Variants in DNAAF5 observed in about 807,000 individuals in gnomAD.
The protein encoded by DNAAF5 is dynein axonemal assembly factor 5, also known as HEAT repeat containing 2.
DNAAF5 carries 64 observed loss-of-function variants against 75.8 expected under a neutral mutation model. The ratio of observed to expected loss-of-function variants is 0.84; its 90% CI spans 0.69 to 1.04. The LOEUF (loss-of-function observed/expected upper bound fraction) is 1.04. Ranked by LOEUF, DNAAF5 falls within the 50% of genes least tolerant of loss-of-function variation. DNAAF5 has a pLI of 0.00. For synonymous variants in DNAAF5, 657 were observed against 557.2 expected (o/e 1.18, Z -2.52); for missense variants, 1,269 against 1,178.5 (o/e 1.08, Z -1.12).
chr7:762,509 A>C (rs372368012), intron 7 of DNAAF5, among the ~76,000 whole-genome samples: 4 of 151,236 alleles, frequency 2.6e-5, no homozygotes. Context: ...AAAAAAGTGC[A>C]TGTGCATGTG....
intron 7 of DNAAF5, 101 bp downstream of exon 7, chr7:761,997 T>TTGAGCCCCAGGCCTCAAACATGCC (rs71020510): frequency 7.5e-7 from 1 of 1,326,996 alleles, no homozygotes; most frequent in Non-Finnish European, 1.0e-6. Context: ...CCCTCTGTGC[T>TTGAGCCCCAGGCCTCAAACATGCC]TGACCAGCAA....
rs779062265 is a variant in DNAAF5, at chr7:754,848, C to G, written c.1257+27C>G. ...TAAGTGGCCGTATTCCAGTCGTGGT[C>G]GCGGAGCTGTAACTCGAGCTTAAGA... On this transcript the variant is annotated intron_variant, in intron 5 of 12. Coordinates refer to ENST00000297440, the MANE Select transcript of DNAAF5 (RefSeq NM_017802.4). The surrounding 1 kb of genome is among the most constrained non-coding windows in gnomAD (Gnocchi z 4.8). The G allele has an allele frequency of 3.3e-6, 5 of 1,515,622 alleles. No individual in the cohort carries two copies. The South Asian group carries it at 4.8e-5, about 14-fold the overall frequency. 93.9% of individuals were successfully genotyped at this position (1,515,622 alleles called of 1,614,324 possible). A position where few individuals can be genotyped will look rare whatever the true frequency, so the allele number is the denominator to read the frequency against.
At position 770,708 on chromosome 7, in the gene DNAAF5, GGGTTCC is replaced by G. The variant is rs1194266267; in HGVS notation, c.1931+91_1931+96del. ...CTCCCCAACAGCTCACTGAGCAAGG[GGGTTCC>G]CACCTCCTTCCCCAACACTGCACTG... is the stretch of plus-strand genomic sequence containing the variant. On this transcript the variant is annotated intron_variant, in intron 9 of 12. Coordinates refer to ENST00000297440, the MANE Select transcript of DNAAF5 (RefSeq NM_017802.4). The G allele has an allele frequency of 2.0e-5, 25 of 1,281,174 alleles. No homozygotes were observed. The African/African-American group carries it at 3.5e-4, about 18-fold the overall frequency. The allele number at this position is 1,281,174 out of a possible 1,614,324, so 79.4% of individuals were successfully genotyped here.
chr7:761,856 C>T lies in DNAAF5; in HGVS notation c.1574C>T (p.Thr525Ile), dbSNP rs1256987990. 2.5e-6 allele frequency: 4 copies of T among 1,592,452 alleles called. No homozygotes were observed. Among genetic ancestry groups the T allele is most frequent in the South Asian group, 2.3e-5 (2 of 87,488 alleles). The stretch of plus-strand genomic sequence containing the variant: ...CTGCAGCTCTTGGACGTGCTGCTGA[C>T]AATAGTGGCCCTCGCAGGTGCTACC... ...ASLQLLDVLL[T>I]IVALAGATGL... Residue 525 changes from threonine to isoleucine, a missense_variant, in exon 7 of 13, where the codon ACA (threonine) becomes ATA (isoleucine). By Grantham distance (89) the Thr-to-Ile change is moderately conservative. Coordinates refer to ENST00000297440, the MANE Select transcript of DNAAF5 (RefSeq NM_017802.4).
At chr7:738,974 T>G (rs1358110345) in intron 2 of DNAAF5, among the ~76,000 whole-genome samples, 4 of 152,240 alleles carry the variant, frequency 2.6e-5, no homozygotes, top group African/African-American at 9.6e-5. Flanking sequence ...GCTGCCGGCC[T>G]GGGGCAGAGT....
At chr7:734,545 C>T (rs940205685) in intron 2 of DNAAF5, among the ~76,000 whole-genome samples, 18 of 152,306 alleles carry the variant, frequency 1.2e-4, no homozygotes, top group Admixed American at 2.6e-4. Context: ...TTTTCCTTTT[C>T]GATTGCATCT....
chr7:765,800 A>G (rs1285617455), intron 8 of DNAAF5, among the ~76,000 whole-genome samples: 1 of 152,158 alleles, frequency 6.6e-6, no homozygotes, highest in Non-Finnish European at 1.5e-5. Flanking sequence ...TTCCGGGATC[A>G]AGTGATTTTT....
At chr7:772,374 A>G (rs1778595505) in intron 9 of DNAAF5, 1 of 152,250 alleles carries the variant, frequency 6.6e-6, no homozygotes, top group South Asian at 2.1e-4. Flanking sequence ...GTGCTCAGAT[A>G]TGGTCAGACC....
intron 6 of DNAAF5, among the ~76,000 whole-genome samples, chr7:757,320 G>T (rs1205687892): frequency 6.6e-6 from 1 of 151,994 alleles, no homozygotes; most frequent in African/African-American, 2.4e-5. Context: ...ACACACCACA[G>T]TTCACGTGTT....
At chr7:768,946 G>C in intron 8 of DNAAF5, 1 of 570,364 alleles carries the variant, frequency 1.8e-6, no homozygotes, top group Non-Finnish European at 3.2e-6. Context: ...CCCAAGACTC[G>C]TGCTCTGGCG....
intron 2 of DNAAF5, chr7:732,613 G>A (rs1468136761): frequency 2.2e-6 from 1 of 456,000 alleles, no homozygotes; most frequent in African/African-American, 2.0e-5. Flanking sequence ...TTCCTGCCAA[G>A]TACCTGTTTG....
chr7:754,898 C>A lies in DNAAF5; in HGVS notation c.1257+77C>A. ...ATCCCGCCTCTGTGGTGTGCGGGGC[C>A]CGAGGCTGTACTGTAGCCAAGACAG... is the stretch of plus-strand genomic sequence containing the variant. On this transcript the variant is annotated intron_variant, in intron 5 of 12. Coordinates refer to ENST00000297440, the MANE Select transcript of DNAAF5 (RefSeq NM_017802.4). This position sits in a 1 kb window ranked among gnomAD's most constrained non-coding sequence, Gnocchi z 4.8. The A allele has an allele frequency of 8.7e-7, 1 of 1,154,296 alleles. No homozygotes were observed. Among genetic ancestry groups the A allele is most frequent in the Non-Finnish European group, 1.2e-6 (1 of 809,450 alleles). The allele number at this position is 1,154,296 out of a possible 1,614,324, so 71.5% of individuals were successfully genotyped here.
At position 754,042 on chromosome 7, in the gene DNAAF5, A is replaced by G. The variant is rs1308078546; in HGVS notation, c.1025-547A>G. The stretch of plus-strand genomic sequence containing the variant: ...CGGCTTCGCAGGCGTGTCTCTCATC[A>G]TATGGCGATGGCTTCGCAGGCGTGT... On this transcript the variant is annotated intron_variant, in intron 4 of 12. Transcript: ENST00000297440. This position sits in a 1 kb window ranked among gnomAD's most constrained non-coding sequence, Gnocchi z 4.8. Among the ~76,000 whole-genome samples the G allele has an allele frequency of 7.8e-5, 11 of 141,756 alleles. No individual in the cohort carries two copies. The highest frequency in any genetic ancestry group is 2.7e-4 in the African/African-American group (10 of 37,422). The allele number at this position is 141,756 out of a possible 152,430, so 93.0% of individuals were successfully genotyped here. A position where few individuals can be genotyped will look rare whatever the true frequency, so the allele number is the denominator to read the frequency against.
chr7:778,150 C>T (rs553247875), intron 11 of DNAAF5: 1 of 152,366 alleles, frequency 6.6e-6, no homozygotes, highest in South Asian at 2.1e-4. Flanking sequence ...AACAAACATC[C>T]TGTTCCCACT....
At chr7:775,213 T>A in intron 11 of DNAAF5, 51 bp downstream of exon 11, 1 of 1,565,722 alleles carries the variant, frequency 6.4e-7, no homozygotes, top group Non-Finnish European at 8.8e-7. Context: ...CAGCCCTCCG[T>A]GTCCCTGGGT....
chr7:768,635 G>GA (rs1778437330), intron 8 of DNAAF5: 1 of 155,914 alleles, frequency 6.4e-6, no homozygotes, highest in Non-Finnish European at 1.4e-5. Flanking sequence ...CTCATGCTGG[G>GA]AAGGCAGATG....
At chr7:783,997 AAC>A (rs1417739067) in intron 12 of DNAAF5, among the ~76,000 whole-genome samples, 43 of 142,234 alleles carry the variant, frequency 3.0e-4, no homozygotes, top group African/African-American at 1.1e-3. Flanking sequence ...AAAAAAACAA[AAC>A]ACAGATGCCC....
chr7:734,953 GTGT>G (rs1252998567), intron 2 of DNAAF5, among the ~76,000 whole-genome samples: 21 of 151,644 alleles, frequency 1.4e-4, no homozygotes, highest in African/African-American at 3.4e-4. Flanking sequence ...GTTGCTCATA[GTGT>G]TGTTCTTCAT....
intron 6 of DNAAF5, among the ~76,000 whole-genome samples, chr7:760,180 G>T (rs892284199): frequency 6.6e-6 from 1 of 152,176 alleles, no homozygotes; most frequent in African/African-American, 2.4e-5. Context: ...CGGGGCCGGG[G>T]TGCAAGGACA....
Sources: allele counts gnomAD v4.1 joint callset (sites outside exome capture counted in the v4.1 genomes callset), GRCh38; gene constraint gnomAD v4.1.1; non-coding constraint Gnocchi (gnomAD v3.1); transcripts MANE v1.5; gene names NCBI Gene and HGNC (gene_info 2026-07-23, HGNC 2026-07-21).